FILIP1: variants seen among roughly 807,000 people sequenced by gnomAD.
FILIP1 encodes filamin-A-interacting protein 1.
A neutral mutation model predicts 102.1 loss-of-function variants in FILIP1; 61 were observed. The ratio of observed to expected loss-of-function variants is 0.60; its 90% CI spans 0.49 to 0.74. FILIP1 has a LOEUF of 0.74. Ranked by LOEUF, FILIP1 falls within the 30% of genes least tolerant of loss-of-function variation. FILIP1 has a pLI of 0.00. For synonymous variants in FILIP1, 491 were observed against 526.9 expected (o/e 0.93, Z 0.93); for missense variants, 1,314 against 1,441.2 (o/e 0.91, Z 1.43).
exon 7 of FILIP1, chr6:75,295,809 G>C: frequency 1.5e-6 from 1 of 681,950 alleles, no homozygotes; most frequent in Non-Finnish European, 2.1e-6. Context: ...ATTTCCAGTA[G>C]TGATCAGTAG....
intron 1 of FILIP1, among the ~76,000 whole-genome samples, chr6:75,442,499 C>T (rs1457795668): frequency 1.3e-5 from 2 of 152,236 alleles, no homozygotes; most frequent in African/African-American, 4.8e-5. Context: ...CGTCTGCAAT[C>T]CCGGCACCTC....
chr6:75,427,402 G>T (rs1474974140), intron 1 of FILIP1, among the ~76,000 whole-genome samples: 2 of 152,210 alleles, frequency 1.3e-5, no homozygotes, highest in Admixed American at 1.3e-4. Context: ...TTCAGGCTAT[G>T]CATGCAAAGA....
intron 1 of FILIP1, among the ~76,000 whole-genome samples, chr6:75,481,193 G>T (rs1779641843): frequency 2.0e-5 from 3 of 152,132 alleles, no homozygotes; most frequent in Admixed American, 2.0e-4. Context: ...GTCACTTGGT[G>T]TTGAAATTGC....
intron 3 of FILIP1, chr6:75,358,618 G>T (rs547158554): frequency 6.6e-6 from 1 of 152,236 alleles, no homozygotes; most frequent in Non-Finnish European, 1.5e-5. Flanking sequence ...CGAAATCTGG[G>T]AAGATCAGGG....
chr6:75,461,015 A>G (rs1779006589), intron 1 of FILIP1, among the ~76,000 whole-genome samples: 1 of 152,194 alleles, frequency 6.6e-6, no homozygotes, highest in Non-Finnish European at 1.5e-5. Context: ...TGTTTACTAT[A>G]ATAACCCACA....
chr6:75,442,611 A>G (rs1284558172), intron 1 of FILIP1, among the ~76,000 whole-genome samples: 1 of 152,212 alleles, frequency 6.6e-6, no homozygotes, highest in Non-Finnish European at 1.5e-5. Context: ...AAAACCAGTC[A>G]GGTGTGGCAG....
chr6:75,392,067 C>A (rs986020444), intron 2 of FILIP1, among the ~76,000 whole-genome samples: 1 of 152,098 alleles, frequency 6.6e-6, no homozygotes, highest in Non-Finnish European at 1.5e-5. Flanking sequence ...GAAAAATGTT[C>A]CACTTTTACT....
chr6:75,408,865 G>T (rs1477815214), intron 2 of FILIP1, among the ~76,000 whole-genome samples: 1 of 152,122 alleles, frequency 6.6e-6, no homozygotes, highest in Non-Finnish European at 1.5e-5. Flanking sequence ...CACAACTCCA[G>T]AAGACACCAT....
intron 3 of FILIP1, among the ~76,000 whole-genome samples, chr6:75,355,391 A>ATT (rs397885759): frequency 1.9e-4 from 25 of 131,338 alleles, no homozygotes; most frequent in East Asian, 2.3e-4. Context: ...AGGTTATAAG[A>ATT]TTTTTTTTTT....
intron 5 of FILIP1, among the ~76,000 whole-genome samples, chr6:75,311,741 C>T (rs1773194193): frequency 6.6e-6 from 1 of 152,124 alleles, no homozygotes; most frequent in Non-Finnish European, 1.5e-5. Context: ...AGGTAATCCA[C>T]CTGCCTCAGC....
At chr6:75,296,427 A>T (rs1772678115) in intron 6 of FILIP1, 1 of 149,770 alleles carries the variant, frequency 6.7e-6, no homozygotes, top group Non-Finnish European at 1.5e-5. Flanking sequence ...GTCCATAAAT[A>T]TAGGTGACTC....
intron 1 of FILIP1, among the ~76,000 whole-genome samples, chr6:75,457,565 T>C (rs1029550471): frequency 6.6e-6 from 1 of 151,976 alleles, no homozygotes; most frequent in Non-Finnish European, 1.5e-5. Context: ...TCCCATAGTG[T>C]CTACTACACT....
At chr6:75,318,688 C>G (rs1205369174) in intron 4 of FILIP1, among the ~76,000 whole-genome samples, 1 of 152,076 alleles carries the variant, frequency 6.6e-6, no homozygotes, top group Admixed American at 6.5e-5. Flanking sequence ...ACAATTATTT[C>G]GTATAAGCTG....
At chr6:75,399,263 C>T (rs1018075418) in intron 2 of FILIP1, 1 of 152,144 alleles carries the variant, frequency 6.6e-6, no homozygotes, top group Non-Finnish European at 1.5e-5. Flanking sequence ...CAAGTTGTAA[C>T]TTAGAGACCA....
chr6:75,452,354 C>T (rs1389014077), intron 1 of FILIP1, among the ~76,000 whole-genome samples: 2 of 151,712 alleles, frequency 1.3e-5, no homozygotes, highest in African/African-American at 2.4e-5. Flanking sequence ...TGAGAACATG[C>T]AGTGTTTGGT....
intron 1 of FILIP1, among the ~76,000 whole-genome samples, chr6:75,441,634 G>T (rs1235711221): frequency 1.3e-5 from 2 of 148,172 alleles, no homozygotes; most frequent in Non-Finnish European, 3.0e-5. Flanking sequence ...CTCCCTCCCG[G>T]ACGGGGCGGC....
chr6:75,340,505 G>T (rs1371865369), intron 4 of FILIP1, among the ~76,000 whole-genome samples: 2 of 152,200 alleles, frequency 1.3e-5, no homozygotes, highest in African/African-American at 4.8e-5. Flanking sequence ...TCTTTAAAAT[G>T]TATTACGTTT....
chr6:75,314,015 A>C lies in FILIP1; in HGVS notation c.1817T>G (p.Val606Gly), dbSNP rs761307718. The C allele has an allele frequency of 1.9e-6, 3 of 1,550,046 alleles. No individual in the cohort carries two copies. Among genetic ancestry groups the C allele is most frequent in the South Asian group, 1.3e-5 (1 of 76,956 alleles). ...LKKRLDGIEE[V>G]EREITRGRSR... ...CCTTCCTCTTGTTATTTCTCTTTCCACTTCCTCTATACCATCAAGTCTCTT... is the reference window on the plus strand; with the variant it reads ...CCTTCCTCTTGTTATTTCTCTTTCCCCTTCCTCTATACCATCAAGTCTCTT... Residue 606 changes from valine (V) to glycine (G), a missense_variant, in exon 5 of 6, where the codon GTG becomes GGG. Coordinates refer to ENST00000237172, the MANE Select transcript of FILIP1 (RefSeq NM_015687.5).
chr6:75,318,979 G>C (rs1773540850), intron 4 of FILIP1: 1 of 608,060 alleles, frequency 1.6e-6, no homozygotes, highest in Non-Finnish European at 2.9e-6. Flanking sequence ...GTTGTGTACA[G>C]GGAGGTTAAA....
Sources: gnomAD v4.1 joint callset for allele counts (sites outside exome capture counted in the v4.1 genomes callset) on GRCh38, gnomAD v4.1.1 for gene constraint, MANE v1.5 for transcripts, NCBI Gene and HGNC (gene_info 2026-07-23, HGNC 2026-07-21) for gene names.